The following EZH1 variants were observed in gnomAD, a reference collection of about 807,000 sequenced individuals.
EZH1 encodes the protein enhancer of zeste 1 polycomb repressive complex 2 subunit.
Under a neutral mutation model 100.5 loss-of-function variants are expected in EZH1, and 33 were observed. The ratio of observed to expected loss-of-function variants is 0.33; its 90% CI spans 0.25 to 0.44. The LOEUF (loss-of-function observed/expected upper bound fraction) is 0.44, where lower values mean the gene tolerates loss of function less well. Ranked by LOEUF, EZH1 falls within the 20% of genes least tolerant of loss-of-function variation. The pLI is 1.00. For synonymous variants in EZH1, 272 were observed against 313.8 expected, an observed-to-expected ratio of 0.87 and a Z score of 1.41; for missense variants, 475 against 928.4, an observed-to-expected ratio of 0.51 and a Z score of 6.35.
At chr17:42,730,316 C>T (rs568370474) in intron 2 of EZH1, among the ~76,000 whole-genome samples, 1 of 152,166 alleles carries the variant, frequency 6.6e-6, no homozygotes, top group African/African-American at 2.4e-5. Context: ...GCTACAAAAC[C>T]ATACTGCCAA....
At chr17:42,716,461 A>G (rs900031128) in intron 10 of EZH1, among the ~76,000 whole-genome samples, 12 of 152,236 alleles carry the variant, frequency 7.9e-5, no homozygotes, top group Non-Finnish European at 1.6e-4. Flanking sequence ...AAAATAGTCC[A>G]GCATTATATT....
At chr17:42,728,765 C>G (rs1485525456) in intron 3 of EZH1, 60 bp downstream of exon 3, 2 of 1,562,894 alleles carry the variant, frequency 1.3e-6, no homozygotes, top group Non-Finnish European at 1.7e-6. Flanking sequence ...AATTCCAACC[C>G]CTTTACACTG....
chr17:42,723,889 T>G (rs993523507), intron 5 of EZH1, among the ~76,000 whole-genome samples: 1 of 152,198 alleles, frequency 6.6e-6, no homozygotes, highest in Non-Finnish European at 1.5e-5. Context: ...TGTGTGCACG[T>G]CTGTTGTCTC....
chr17:42,709,556 C>A, intron 13 of EZH1: 1 of 299,254 alleles, frequency 3.3e-6, no homozygotes, highest in Non-Finnish European at 6.2e-6. Flanking sequence ...GGAGAAATGG[C>A]TTCAGGGTGG....
At chr17:42,720,940 C>T (rs1182070243) in intron 6 of EZH1, among the ~76,000 whole-genome samples, 2 of 152,158 alleles carry the variant, frequency 1.3e-5, no homozygotes, top group South Asian at 2.1e-4. Context: ...TGTGACCCAC[C>T]GTGCCCAGCC....
chr17:42,709,990 A>C, intron 12 of EZH1, 53 bp from the exon 13 acceptor site: 1 of 1,537,510 alleles, frequency 6.5e-7, no homozygotes, highest in Non-Finnish European at 9.0e-7. Flanking sequence ...GGGTCAGGTA[A>C]GTGGCCCAGC....
chr17:42,729,735 T>A, intron 2 of EZH1, among the ~76,000 whole-genome samples: 1 of 106,254 alleles, frequency 9.4e-6, no homozygotes, highest in African/African-American at 4.5e-5. Context: ...TGAGACTCCA[T>A]CTCAAAAAAG....
Position 42,719,200 on chromosome 17 carries a change from T to G in EZH1, c.672A>C (p.Lys224Asn). ...KRKRHAIEGN[K>N]KSSKKQFPND... ...TTGGGAACTGTTTCTTGGAACTCTTTTTGTTGCCTGAATTGGAAATGATAA... is the reference window on the plus strand; with the variant it reads ...TTGGGAACTGTTTCTTGGAACTCTTGTTGTTGCCTGAATTGGAAATGATAA... The change falls in exon 8 of 21, where the codon AAA becomes AAC. Residue 224 changes from lysine to asparagine, a missense_variant. This residue lies in a region of EZH1 where 180 missense variants were observed against 295.3 expected (regional missense o/e 0.61). Coordinates refer to ENST00000428826, the MANE Select transcript of EZH1 (RefSeq NM_001991.5). 6.2e-7 allele frequency: 1 copy of G among 1,613,388 alleles called. No homozygotes were observed. Among genetic ancestry groups the G allele is most frequent in the Non-Finnish European group, 8.5e-7 (1 of 1,179,440 alleles).
chr17:42,714,455 C>CG (rs984869995), intron 10 of EZH1: 26 of 310,744 alleles, frequency 8.4e-5, no homozygotes, highest in Admixed American at 6.6e-4. Flanking sequence ...CAGCAGACTT[C>CG]GGGGGGTTTG....
intron 3 of EZH1, among the ~76,000 whole-genome samples, chr17:42,728,197 T>C (rs1691686340): frequency 6.9e-6 from 1 of 145,818 alleles, no homozygotes; most frequent in Non-Finnish European, 1.5e-5. Flanking sequence ...CACTGCAACC[T>C]CTATCTCCTG....
chr17:42,702,728 AC>A, intron 20 of EZH1, 136 bp from the exon 21 acceptor site: 1 of 1,251,692 alleles, frequency 8.0e-7, no homozygotes, highest in Non-Finnish European at 1.2e-6. Context: ...GAGGCAAGGC[AC>A]CAGATATCAG....
intron 11 of EZH1, among the ~76,000 whole-genome samples, chr17:42,712,763 C>G (rs2053509764): frequency 6.6e-6 from 1 of 152,118 alleles, no homozygotes; most frequent in Admixed American, 6.5e-5. Flanking sequence ...ATTAGCCAGG[C>G]AGGGTGGCTC....
chr17:42,734,956 G>A (rs1486114493), intron 1 of EZH1, among the ~76,000 whole-genome samples: 1 of 141,994 alleles, frequency 7.0e-6, no homozygotes, highest in Non-Finnish European at 1.5e-5. Context: ...TCGCGCCACT[G>A]CACTCCAGCC....
intron 19 of EZH1, 180 bp downstream of exon 19, chr17:42,703,560 C>T (rs996440416): frequency 2.0e-5 from 12 of 600,082 alleles, no homozygotes; most frequent in African/African-American, 3.7e-5. Flanking sequence ...ATAATGTATT[C>T]GCTGAAAAAA....
chr17:42,737,102 C>T (rs1192993079), intron 1 of EZH1, among the ~76,000 whole-genome samples: 1 of 151,898 alleles, frequency 6.6e-6, no homozygotes, highest in Non-Finnish European at 1.5e-5. Context: ...TCTCCTGCCT[C>T]AGCCTCTTAA....
At chr17:42,704,488 C>T in intron 18 of EZH1, 114 bp downstream of exon 18, 1 of 750,270 alleles carries the variant, frequency 1.3e-6, no homozygotes, top group Non-Finnish European at 2.2e-6. Context: ...GTAGAGGCTA[C>T]AGTGAGCCAA....
intron 10 of EZH1, 136 bp downstream of exon 10, chr17:42,717,840 A>T: frequency 1.4e-6 from 1 of 705,034 alleles, no homozygotes; most frequent in Non-Finnish European, 2.4e-6. Context: ...GCGGTCCCAC[A>T]GTAACTGGGG....
chr17:42,739,286 C>A (rs1236453042), intron 1 of EZH1, among the ~76,000 whole-genome samples: 2 of 152,088 alleles, frequency 1.3e-5, no homozygotes, highest in Non-Finnish European at 2.9e-5. Context: ...TAATTTATAC[C>A]CTCCAACTTC....
Position 42,708,895 on chromosome 17 carries a change from C to T in EZH1, c.1515G>A (p.Arg505=), listed in dbSNP as rs545225441. The change falls in exon 14 of 21, where the codon AGG becomes AGA. Residue 505 remains arginine, a synonymous_variant. Coordinates refer to ENST00000428826, the MANE Select transcript of EZH1 (RefSeq NM_001991.5). ...RKHRLWAAHC[R]KIQLKKDNSS... ...ACTTACCTTTCTTCAGCTGAATCTT[C>T]CTGCAGTGTGCAGCCCACAATCTGA... 6.2e-7 allele frequency: 1 copy of T among 1,614,186 alleles called. No homozygotes were observed. Among genetic ancestry groups the T allele is most frequent in the Non-Finnish European group, 8.5e-7 (1 of 1,180,028 alleles).
Sources: gnomAD v4.1 joint callset for allele counts (sites outside exome capture counted in the v4.1 genomes callset) on GRCh38, gnomAD v4.1.1 for gene constraint, gnomAD v4.1.1 regional missense constraint, MANE v1.5 for transcripts, NCBI Gene and HGNC (gene_info 2026-07-23, HGNC 2026-07-21) for gene names.